Variants in CFAP44 observed in about 807,000 individuals in gnomAD.
The protein encoded by CFAP44 is cilia- and flagella-associated protein 44.
Under a neutral mutation model 216.2 loss-of-function variants are expected in CFAP44, and 134 were observed. The observed-to-expected ratio is 0.62, with a 90% confidence interval of 0.54 to 0.72. The LOEUF is 0.72. Among genes scored for constraint, CFAP44 ranks in the 30% least tolerant of loss-of-function variants. The pLI is 0.00. For synonymous variants in CFAP44, 700 were observed against 727.6 expected, an observed-to-expected ratio of 0.96 and a Z score of 0.61; for missense variants, 2,035 against 2,182.1, an observed-to-expected ratio of 0.93 and a Z score of 1.34.
chr3:113,335,789 C>T (rs1396495610), intron 24 of CFAP44, among the ~76,000 whole-genome samples: 3 of 152,200 alleles, frequency 2.0e-5, no homozygotes, highest in Non-Finnish European at 4.4e-5. Flanking sequence ...AAAGCATACT[C>T]TTTTCAAGCA....
At chr3:113,313,080 G>A (rs911452454) in intron 28 of CFAP44, among the ~76,000 whole-genome samples, 8 of 152,186 alleles carry the variant, frequency 5.3e-5, no homozygotes, top group East Asian at 1.9e-4. Context: ...AGCTTGCACC[G>A]TGCACCTGGA....
At chr3:113,438,827 C>A (rs2107424162) in intron 1 of CFAP44, among the ~76,000 whole-genome samples, 1 of 152,328 alleles carries the variant, frequency 6.6e-6, no homozygotes, top group East Asian at 1.9e-4. Flanking sequence ...TCCAGATCCT[C>A]TCTTTTCCCA....
In CFAP44 at chr3:113,426,430, G is replaced by C. The variant is rs965690401; in HGVS notation, c.254-153C>G. 6.6e-4 allele frequency among the ~76,000 whole-genome samples: 101 copies of C among 152,168 alleles called. 6 individuals are homozygous for C. The highest frequency in any genetic ancestry group is 1.6e-4 in the Non-Finnish European group (11 of 68,020). On this transcript the variant is annotated intron_variant, in intron 3 of 34. Coordinates refer to ENST00000393845, the MANE Select transcript of CFAP44 (RefSeq NM_001164496.2). ...TCACAGGGGCTGTTACCTCCATGCT[G>C]TTCTCATGATGGTGTATGAGTTCTC...
Position 113,363,525 on chromosome 3 carries a change from A to G in CFAP44, c.2723T>C (p.Ile908Thr). ...GTCTTCTGGAATTGGCTCTGTTTCA[A>G]TTCCAAACTATAGGAAGGGAAGTAA... ...KAKVPSPRFG[I>T]ETEPIPEDIE... is the part of the protein sequence containing the mutation. The change falls in exon 20 of 35, where the codon ATT (isoleucine) becomes ACT (threonine). Residue 908 changes from isoleucine to threonine, a missense_variant. Transcript: ENST00000393845. 6.2e-7 allele frequency: 1 copy of G among 1,609,232 alleles called. No homozygotes were observed. Among genetic ancestry groups the G allele is most frequent in the Admixed American group, 1.7e-5 (1 of 59,706 alleles).
At chr3:113,326,721 GTTACAGT>G (rs1031929819) in intron 27 of CFAP44, 81 bp from the exon 28 acceptor site, 1 of 758,402 alleles carries the variant, frequency 1.3e-6, no homozygotes, top group African/African-American at 1.8e-5. Flanking sequence ...ACAATACAAG[GTTACAGT>G]TTACAAATAT....
intron 28 of CFAP44, among the ~76,000 whole-genome samples, chr3:113,319,038 T>A (rs1405312278): frequency 6.6e-6 from 1 of 151,198 alleles, no homozygotes; most frequent in African/African-American, 2.4e-5. Context: ...CAAGTCTACA[T>A]AACAACCAGC....
chr3:113,349,500 G>A (rs920041269), intron 22 of CFAP44, among the ~76,000 whole-genome samples: 6 of 152,246 alleles, frequency 3.9e-5, no homozygotes, highest in African/African-American at 1.4e-4. Flanking sequence ...ACAGAAAATG[G>A]AGCAGGCCAA....
chr3:113,306,071 C>T, intron 30 of CFAP44, 130 bp downstream of exon 30: 1 of 1,157,588 alleles, frequency 8.6e-7, no homozygotes, highest in Non-Finnish European at 1.1e-6. Context: ...AGAAAAAAAC[C>T]TGCCCTTAAC....
chr3:113,345,947 G>A (rs1223124223), intron 22 of CFAP44, among the ~76,000 whole-genome samples: 1 of 151,352 alleles, frequency 6.6e-6, no homozygotes, highest in African/African-American at 2.4e-5. Flanking sequence ...ATCTCTTTAA[G>A]ACTTATTTCC....
At chr3:113,338,960 CTGGGTTTACCCCT>C (rs1190012604) in intron 24 of CFAP44, among the ~76,000 whole-genome samples, 1 of 152,068 alleles carries the variant, frequency 6.6e-6, no homozygotes, top group Non-Finnish European at 1.5e-5. Context: ...CTTTAATTCC[CTGGGTTTACCCCT>C]TGCAACCTGA....
At chr3:113,410,205 T>C (rs1259862305) in intron 6 of CFAP44, among the ~76,000 whole-genome samples, 1 of 152,178 alleles carries the variant, frequency 6.6e-6, no homozygotes, top group African/African-American at 2.4e-5. Context: ...AACGTGCAGG[T>C]TTGTTACATA....
chr3:113,352,128 T>C (rs1950450991), intron 22 of CFAP44, among the ~76,000 whole-genome samples: 1 of 152,176 alleles, frequency 6.6e-6, no homozygotes, highest in Non-Finnish European at 1.5e-5. Context: ...AACTTTTCTG[T>C]CTAGCTAGAG....
chr3:113,416,245 C>T (rs1029458982), intron 6 of CFAP44, among the ~76,000 whole-genome samples: 4 of 151,906 alleles, frequency 2.6e-5, no homozygotes, highest in African/African-American at 9.7e-5. Flanking sequence ...TGTTTTGAGC[C>T]TGTGTGTGTC....
intron 17 of CFAP44, among the ~76,000 whole-genome samples, chr3:113,379,060 GATTT>G (rs1256833764): frequency 6.6e-6 from 1 of 152,028 alleles, no homozygotes; most frequent in Non-Finnish European, 1.5e-5. Flanking sequence ...ATAATCTATA[GATTT>G]ATCTGTACAA....
chr3:113,303,598 C>A (rs1949958651), intron 32 of CFAP44, among the ~76,000 whole-genome samples: 1 of 152,162 alleles, frequency 6.6e-6, no homozygotes, highest in South Asian at 2.1e-4. Context: ...AGAGATGGGG[C>A]TTCGATTGTA....
chr3:113,357,723 C>T (rs1379793608), intron 22 of CFAP44, among the ~76,000 whole-genome samples: 1 of 152,176 alleles, frequency 6.6e-6, no homozygotes, highest in Non-Finnish European at 1.5e-5. Flanking sequence ...GATTCTCATA[C>T]ATTGATGGTA....
intron 4 of CFAP44, 133 bp downstream of exon 4, chr3:113,425,991 C>T: frequency 1.0e-6 from 1 of 1,002,612 alleles, no homozygotes; most frequent in Non-Finnish European, 1.5e-6. Context: ...ATGGATGTGG[C>T]TGTGTTGCAA....
chr3:113,415,623 C>T (rs1934624476), intron 6 of CFAP44, among the ~76,000 whole-genome samples: 1 of 152,154 alleles, frequency 6.6e-6, no homozygotes, highest in Admixed American at 6.5e-5. Context: ...ATTATTTACA[C>T]AGGAGTCATT....
chr3:113,327,499 A>G, intron 27 of CFAP44, 117 bp downstream of exon 27: 2 of 868,716 alleles, frequency 2.3e-6, no homozygotes, highest in Non-Finnish European at 3.4e-6. Context: ...GGGGGAAAGA[A>G]GACAAGAAAG....
Sources: gnomAD v4.1 joint callset for allele counts (sites outside exome capture counted in the v4.1 genomes callset) on GRCh38, gnomAD v4.1.1 for gene constraint, MANE v1.5 for transcripts, NCBI Gene and HGNC (gene_info 2026-07-23, HGNC 2026-07-21) for gene names.